ANO2: variants seen among roughly 807,000 people sequenced by gnomAD.
ANO2 encodes anoctamin 2.
Under a neutral mutation model 124.2 loss-of-function variants are expected in ANO2, and 101 were observed. The observed-to-expected ratio is 0.81, with a 90% CI of 0.69 to 0.96. The LOEUF (loss-of-function observed/expected upper bound fraction) is 0.96. Ranked by LOEUF, ANO2 falls within the 40% of genes least tolerant of loss-of-function variation. The probability of loss-of-function intolerance (pLI) is 0.00; values close to 1 mark genes in which losing one functional copy is unlikely to be tolerated. For synonymous variants in ANO2, 486 were observed against 482.5 expected, an observed-to-expected ratio of 1.01 and a Z score of -0.09; for missense variants, 1,293 against 1,274.5, an observed-to-expected ratio of 1.01 and a Z score of -0.22.
chr12:5,635,483 A>G lies in ANO2; in HGVS notation c.1621-136T>C. 1 of 775,236 alleles carries G rather than the reference A, an allele frequency of 1.3e-6. No homozygotes were observed. Among genetic ancestry groups the G allele is most frequent in the East Asian group, 3.1e-5 (1 of 32,600 alleles). The allele number at this position is 775,236 out of a possible 1,614,324, so 48.0% of individuals were successfully genotyped here. A position where few individuals can be genotyped will look rare whatever the true frequency, so the allele number is the denominator to read the frequency against. On this transcript the variant is annotated intron_variant, in intron 15 of 24. Coordinates refer to ENST00000682330, the MANE Select transcript of ANO2 (RefSeq NM_001364791.2). The surrounding 1 kb of genome is among the most constrained non-coding windows in gnomAD (Gnocchi z 5.2). ...CTTTTGTTGGGTAACAAGGGATTCC[A>G]GATATTATTAGTCTGGAATATTTGG...
At chr12:5,756,618 C>T (rs1051758879) in intron 10 of ANO2, among the ~76,000 whole-genome samples, 3 of 152,230 alleles carry the variant, frequency 2.0e-5, no homozygotes, top group Non-Finnish European at 4.4e-5. Flanking sequence ...GGTGGATCTG[C>T]TGCCATGGTC....
chr12:5,805,911 G>C (rs1339389172), intron 9 of ANO2, 141 bp downstream of exon 9: 7 of 747,678 alleles, frequency 9.4e-6, no homozygotes, highest in Non-Finnish European at 1.3e-5. Context: ...ATACCTGGGT[G>C]GGGGAAAGGG....
intron 20 of ANO2, among the ~76,000 whole-genome samples, chr12:5,592,597 A>T (rs1177241390): frequency 6.6e-6 from 1 of 152,218 alleles, no homozygotes; most frequent in African/African-American, 2.4e-5. Flanking sequence ...AAGGATTTTA[A>T]GTAGAAAAAT....
In ANO2 at chr12:5,900,844, C is replaced by T. The variant is rs1365120924; in HGVS notation, c.534+20196G>A. On this transcript the variant is annotated intron_variant, in intron 3 of 24. Transcript: ENST00000682330. This position sits in a 1 kb window ranked among gnomAD's most constrained non-coding sequence, Gnocchi z 4.2. ...AGTCAAGGCCAAGAGGGCAGGAAGG[C>T]GTCTCCTTGTTCTCGGCTCAGGAGA... Among the ~76,000 whole-genome samples the T allele has an allele frequency of 1.3e-5, 2 of 152,172 alleles. No individual in the cohort carries two copies. Among genetic ancestry groups the T allele is most frequent in the Admixed American group, 6.5e-5 (1 of 15,286 alleles).
At position 5,659,112 on chromosome 12, in the gene ANO2, G is replaced by GCT. The variant is rs1273710770; in HGVS notation, c.1546-11313_1546-11312dup. 1.1e-4 allele frequency among the ~76,000 whole-genome samples: 17 copies of GCT among 151,958 alleles called. No homozygotes were observed. The South Asian group carries it at 3.3e-3, about 30-fold the overall frequency. The stretch of plus-strand genomic sequence containing the variant: ...TCCCCTCAGACCCAAGCTGCTCGAT[G>GCT]CTCTCTCTCTCTGCTGGGTGAGCTT... On this transcript the variant is annotated intron_variant, in intron 14 of 24. Coordinates refer to ENST00000682330, the MANE Select transcript of ANO2 (RefSeq NM_001364791.2).
chr12:5,939,990 G>C (rs1692665230), intron 1 of ANO2, among the ~76,000 whole-genome samples: 1 of 152,162 alleles, frequency 6.6e-6, no homozygotes, highest in South Asian at 2.1e-4. Flanking sequence ...CCCCAAGTAG[G>C]CTCTCAGATC....
chr12:5,717,167 A>C (rs1373473669), intron 14 of ANO2, among the ~76,000 whole-genome samples: 1 of 152,220 alleles, frequency 6.6e-6, no homozygotes, highest in Non-Finnish European at 1.5e-5. Flanking sequence ...AACAACAGGC[A>C]TGAAGAGTAT....
At chr12:5,746,561 T>C (rs1186902733) in intron 11 of ANO2, among the ~76,000 whole-genome samples, 1 of 152,240 alleles carries the variant, frequency 6.6e-6, no homozygotes, top group Non-Finnish European at 1.5e-5. Context: ...CACAGGTTTC[T>C]AGTGAGAAGT....
At chr12:5,610,602 T>C (rs1591728926) in intron 19 of ANO2, among the ~76,000 whole-genome samples, 1 of 143,142 alleles carries the variant, frequency 7.0e-6, no homozygotes, top group South Asian at 2.1e-4. Flanking sequence ...TAAATATATT[T>C]ATATTTATAT....
intron 10 of ANO2, among the ~76,000 whole-genome samples, chr12:5,755,070 T>G (rs1208641794): frequency 6.6e-6 from 1 of 152,112 alleles, no homozygotes; most frequent in Non-Finnish European, 1.5e-5. Flanking sequence ...GTATTGCTTT[T>G]GCTGCCTCTC....
intron 21 of ANO2, 36 bp downstream of exon 21, chr12:5,578,330 G>C (rs1336476052): frequency 6.2e-7 from 1 of 1,602,074 alleles, no homozygotes; most frequent in East Asian, 2.2e-5. Flanking sequence ...ATGGCAGAAG[G>C]ATGGGCCTGG....
At chr12:5,706,770 T>G (rs983778318) in intron 14 of ANO2, among the ~76,000 whole-genome samples, 1 of 152,224 alleles carries the variant, frequency 6.6e-6, no homozygotes, top group African/African-American at 2.4e-5. Flanking sequence ...ACCTGGTATA[T>G]AGTAAATACT....
intron 19 of ANO2, among the ~76,000 whole-genome samples, chr12:5,600,052 T>A (rs1412209662): frequency 6.6e-6 from 1 of 152,198 alleles, no homozygotes; most frequent in Non-Finnish European, 1.5e-5. Context: ...AATAGCATCA[T>A]CTTTCCATTA....
chr12:5,937,335 C>T (rs12322386), intron 1 of ANO2, among the ~76,000 whole-genome samples: 6 of 152,094 alleles, frequency 3.9e-5, no homozygotes, highest in Non-Finnish European at 8.8e-5. Flanking sequence ...TTTTCATATA[C>T]CTGTTGGCCA....
chr12:5,584,954 G>A (rs182079507), intron 20 of ANO2, among the ~76,000 whole-genome samples: 2 of 152,218 alleles, frequency 1.3e-5, no homozygotes, highest in Admixed American at 6.5e-5. Flanking sequence ...TGCTAAATAC[G>A]AAGATGAGCA....
intron 14 of ANO2, among the ~76,000 whole-genome samples, chr12:5,665,913 A>G (rs2885314): frequency 0.43 from 65,978 of 151,918 alleles, 14,593 homozygotes; most frequent in East Asian, 0.68. Context: ...AGCTCAAATC[A>G]TAACAAATGA....
intron 14 of ANO2, among the ~76,000 whole-genome samples, chr12:5,663,561 C>A (rs1020597667): frequency 8.5e-5 from 13 of 152,296 alleles, no homozygotes; most frequent in African/African-American, 3.1e-4. Context: ...CACTCACCAT[C>A]CCATGTGGCA....
At chr12:5,809,043 C>T (rs954223764) in intron 7 of ANO2, among the ~76,000 whole-genome samples, 2 of 152,182 alleles carry the variant, frequency 1.3e-5, no homozygotes, top group African/African-American at 4.8e-5. Flanking sequence ...AAGGGCCAGT[C>T]CTTTCCTGAT....
intron 1 of ANO2, among the ~76,000 whole-genome samples, chr12:5,937,287 G>T (rs1352966908): frequency 1.3e-5 from 2 of 152,094 alleles, no homozygotes; most frequent in East Asian, 3.8e-4. Flanking sequence ...CTGTAGTTTT[G>T]ATTTGCATTT....
Sources: gnomAD v4.1 joint callset for allele counts (sites outside exome capture counted in the v4.1 genomes callset) on GRCh38, gnomAD v4.1.1 for gene constraint, Gnocchi (gnomAD v3.1) non-coding constraint, MANE v1.5 for transcripts, NCBI Gene and HGNC (gene_info 2026-07-23, HGNC 2026-07-21) for gene names.